Variants in FBXL17 observed in about 807,000 individuals in gnomAD.
FBXL17 encodes F-box and leucine rich repeat protein 17.
A neutral mutation model predicts 66.2 loss-of-function variants in FBXL17; 22 were observed. The ratio of observed to expected loss-of-function variants is 0.33; its 90% CI spans 0.24 to 0.47. The LOEUF is 0.47. Ranked by LOEUF, FBXL17 falls within the 20% of genes least tolerant of loss-of-function variation. FBXL17 has a pLI of 1.00. For missense variants in FBXL17, 878 were observed against 948.2 expected (o/e 0.93, Z 0.97); for synonymous variants, 474 against 400.5 (o/e 1.18, Z -2.19).
At chr5:107,971,737 T>C (rs982464793) in intron 7 of FBXL17, among the ~76,000 whole-genome samples, 1 of 152,214 alleles carries the variant, frequency 6.6e-6, no homozygotes, top group Non-Finnish European at 1.5e-5. Flanking sequence ...ACTGCTAGTA[T>C]ATAGCCTGTT....
At chr5:108,130,633 T>C (rs2149975878) in intron 6 of FBXL17, among the ~76,000 whole-genome samples, 1 of 152,206 alleles carries the variant, frequency 6.6e-6, no homozygotes, top group East Asian at 1.9e-4. Flanking sequence ...CAATGCTGCC[T>C]TAAAGGAACA....
At chr5:107,937,943 G>T (rs1205626161) in intron 7 of FBXL17, among the ~76,000 whole-genome samples, 2 of 152,100 alleles carry the variant, frequency 1.3e-5, no homozygotes, top group African/African-American at 4.8e-5. Context: ...TCAAAGTGAT[G>T]AATCTCCAAC....
At chr5:107,880,390 A>C in intron 8 of FBXL17, 1 of 986,046 alleles carries the variant, frequency 1.0e-6, no homozygotes, top group Non-Finnish European at 1.2e-6. Context: ...CTGTTTTCTC[A>C]GTCTTCAAAG....
chr5:107,934,191 T>C (rs912947308), intron 7 of FBXL17, among the ~76,000 whole-genome samples: 3 of 152,174 alleles, frequency 2.0e-5, no homozygotes, highest in South Asian at 2.1e-4. Flanking sequence ...ATTATTTTCA[T>C]TGTGCATAAT....
At chr5:107,884,724 CA>C (rs1748905283) in intron 7 of FBXL17, among the ~76,000 whole-genome samples, 2 of 152,332 alleles carry the variant, frequency 1.3e-5, no homozygotes, top group South Asian at 4.1e-4. Flanking sequence ...ATCGGGATCA[CA>C]TTTAACTTTT....
intron 1 of FBXL17, among the ~76,000 whole-genome samples, chr5:108,375,425 A>T (rs1381556360): frequency 1.3e-5 from 2 of 151,972 alleles, no homozygotes; most frequent in Non-Finnish European, 2.9e-5. Flanking sequence ...TAAAGAGAGA[A>T]GACTCAAATT....
chr5:108,036,010 C>T (rs1746827212), intron 6 of FBXL17, among the ~76,000 whole-genome samples: 1 of 152,168 alleles, frequency 6.6e-6, no homozygotes, highest in Admixed American at 6.5e-5. Context: ...TCTCGTCATG[C>T]TGATACACTA....
intron 4 of FBXL17, among the ~76,000 whole-genome samples, chr5:108,293,514 T>C (rs1344228132): frequency 2.6e-5 from 4 of 152,134 alleles, no homozygotes; most frequent in African/African-American, 9.7e-5. Flanking sequence ...TAGGGGATCA[T>C]ATACAATTTC....
intron 4 of FBXL17, among the ~76,000 whole-genome samples, chr5:108,270,669 T>C (rs1290144645): frequency 6.6e-6 from 1 of 152,062 alleles, no homozygotes. Context: ...TTCAAGTACG[T>C]TAACAGTTAT....
intron 7 of FBXL17, among the ~76,000 whole-genome samples, chr5:107,940,082 A>G (rs1751041768): frequency 6.6e-6 from 1 of 152,152 alleles, no homozygotes; most frequent in Non-Finnish European, 1.5e-5. Flanking sequence ...GGCCAAGAGT[A>G]TTATTTCTAC....
chr5:108,212,895 C>A (rs1754438458), intron 5 of FBXL17, among the ~76,000 whole-genome samples: 1 of 152,194 alleles, frequency 6.6e-6, no homozygotes, highest in Non-Finnish European at 1.5e-5. Context: ...ACATTTAAGT[C>A]TGCTGAATCT....
At chr5:108,188,879 C>A (rs994094288) in intron 5 of FBXL17, among the ~76,000 whole-genome samples, 15 of 152,026 alleles carry the variant, frequency 9.9e-5, no homozygotes, top group African/African-American at 2.9e-4. Context: ...AAAAGACAGA[C>A]AAATAAAATA....
intron 7 of FBXL17, among the ~76,000 whole-genome samples, chr5:107,965,599 T>C (rs890023856): frequency 1.3e-5 from 2 of 152,172 alleles, no homozygotes; most frequent in African/African-American, 4.8e-5. Context: ...ACAGTTTCCA[T>C]GCAAATGCAA....
At chr5:108,093,717 C>T (rs1366710676) in intron 6 of FBXL17, among the ~76,000 whole-genome samples, 1 of 152,072 alleles carries the variant, frequency 6.6e-6, no homozygotes. Flanking sequence ...ATACGCAGAC[C>T]TCAGAATTAA....
At chr5:108,066,867 A>G (rs143410851) in intron 6 of FBXL17, among the ~76,000 whole-genome samples, 2 of 152,190 alleles carry the variant, frequency 1.3e-5, no homozygotes, top group African/African-American at 4.8e-5. Context: ...TGTCTATAAA[A>G]ATATGAGAAA....
At chr5:108,229,380 T>C (rs913033314) in intron 4 of FBXL17, among the ~76,000 whole-genome samples, 6 of 152,108 alleles carry the variant, frequency 3.9e-5, no homozygotes, top group Admixed American at 3.3e-4. Flanking sequence ...TATAGGCCAA[T>C]GGAACAGAAT....
intron 6 of FBXL17, among the ~76,000 whole-genome samples, chr5:108,116,936 A>C (rs2149959929): frequency 6.6e-6 from 1 of 152,246 alleles, no homozygotes; most frequent in African/African-American, 2.4e-5. Flanking sequence ...ATTAAAAAAA[A>C]ATTGGTGAAA....
chr5:108,142,591 T>C (rs749542515), intron 6 of FBXL17, among the ~76,000 whole-genome samples: 16 of 152,200 alleles, frequency 1.1e-4, no homozygotes, highest in Non-Finnish European at 2.1e-4. Flanking sequence ...AGAGCCTACA[T>C]AAATAATATT....
intron 7 of FBXL17, among the ~76,000 whole-genome samples, chr5:107,968,592 T>TGTGATGAATCATTACAAAAAC (rs1752242313): frequency 6.6e-6 from 1 of 152,174 alleles, no homozygotes; most frequent in Non-Finnish European, 1.5e-5. Context: ...TTTAAGTGAA[T>TGTGATGAATCATTACAAAAAC]GTGATGAATC....
Sources: allele counts gnomAD v4.1 joint callset (sites outside exome capture counted in the v4.1 genomes callset), GRCh38; gene constraint gnomAD v4.1.1; transcripts MANE v1.5; gene names NCBI Gene and HGNC (gene_info 2026-07-23, HGNC 2026-07-21).